PTPRT: variants seen among roughly 807,000 people sequenced by gnomAD.
PTPRT encodes protein tyrosine phosphatase receptor type T, also known as receptor-type tyrosine-protein phosphatase T.
Under a neutral mutation model 176.8 loss-of-function variants are expected in PTPRT, and 56 were observed. The ratio of observed to expected loss-of-function variants is 0.32; its 90% CI spans 0.26 to 0.40. The LOEUF (loss-of-function observed/expected upper bound fraction) is 0.40. Among genes scored for constraint, PTPRT ranks in the 10% least tolerant of loss-of-function variants. The pLI is 1.00. For missense variants in PTPRT, 1,540 were observed against 1,908.2 expected (o/e 0.81, Z 3.60); for synonymous variants, 783 against 739.0 (o/e 1.06, Z -0.96).
At chr20:42,772,099 T>C (rs1225358112) in intron 4 of PTPRT, among the ~76,000 whole-genome samples, 1 of 152,162 alleles carries the variant, frequency 6.6e-6, no homozygotes, top group African/African-American at 2.4e-5. Flanking sequence ...GCCTGATACC[T>C]GCACACTTGG....
intron 7 of PTPRT, among the ~76,000 whole-genome samples, chr20:42,564,860 A>G (rs1380246370): frequency 6.6e-6 from 1 of 152,228 alleles, no homozygotes; most frequent in Non-Finnish European, 1.5e-5. Flanking sequence ...GATTTAAAGT[A>G]TACAGGAGGA....
intron 21 of PTPRT, among the ~76,000 whole-genome samples, chr20:42,115,701 C>T (rs1987239423): frequency 6.6e-6 from 1 of 152,170 alleles, no homozygotes; most frequent in South Asian, 2.1e-4. Flanking sequence ...GCCATGTGGC[C>T]AGTTTGGGGA....
intron 1 of PTPRT, among the ~76,000 whole-genome samples, chr20:42,976,592 A>C (rs1982970524): frequency 6.6e-6 from 1 of 151,952 alleles, no homozygotes; most frequent in South Asian, 2.1e-4. Flanking sequence ...TTTTTAGCAG[A>C]GACAGGATTT....
In PTPRT at chr20:42,234,365, C is replaced by T. The variant is rs577236246; in HGVS notation, c.2342+1864G>A. ...TGCCCAAGGCTCTATAACCAGTGCA[C>T]GATAGAGGCGGGACATGAGCCCAGA... On this transcript the variant is annotated intron_variant, in intron 15 of 30. Coordinates refer to ENST00000373187, the MANE Select transcript of PTPRT (RefSeq NM_007050.6). Among the ~76,000 whole-genome samples the T allele has an allele frequency of 2.6e-5, 4 of 152,288 alleles. No homozygotes were observed. In the East Asian group the frequency reaches 5.8e-4, roughly 22 times the overall value.
intron 8 of PTPRT, among the ~76,000 whole-genome samples, chr20:42,465,474 T>C (rs941768450): frequency 6.6e-6 from 1 of 152,162 alleles, no homozygotes; most frequent in African/African-American, 2.4e-5. Context: ...TACCATAGTG[T>C]CATAAAAAAT....
intron 6 of PTPRT, among the ~76,000 whole-genome samples, chr20:42,711,387 A>G (rs1356785728): frequency 2.6e-5 from 4 of 152,070 alleles, no homozygotes; most frequent in Non-Finnish European, 4.4e-5. Flanking sequence ...CAGATCCCTC[A>G]TGAATGTCTT....
chr20:42,763,831 G>A (rs892391484), intron 5 of PTPRT, among the ~76,000 whole-genome samples: 10 of 152,128 alleles, frequency 6.6e-5, no homozygotes, highest in East Asian at 5.8e-4. Flanking sequence ...CTCTATGTAC[G>A]TGGCTGACTG....
chr20:42,389,603 A>G (rs2058779787), intron 9 of PTPRT, among the ~76,000 whole-genome samples: 1 of 152,100 alleles, frequency 6.6e-6, no homozygotes, highest in Admixed American at 6.5e-5. Flanking sequence ...TAATCCCAGA[A>G]CTTTGGGAGG....
At chr20:42,290,811 T>C (rs910673976) in intron 12 of PTPRT, among the ~76,000 whole-genome samples, 2 of 152,016 alleles carry the variant, frequency 1.3e-5, no homozygotes, top group Admixed American at 6.6e-5. Flanking sequence ...AATTTTAGGA[T>C]GCCTCTTCAA....
intron 6 of PTPRT, among the ~76,000 whole-genome samples, chr20:42,749,150 G>A (rs1433689058): frequency 6.6e-6 from 1 of 152,140 alleles, no homozygotes; most frequent in East Asian, 1.9e-4. Context: ...CCCACCTTAT[G>A]AGTGTGCACA....
chr20:42,174,188 T>C (rs966867473), intron 16 of PTPRT, among the ~76,000 whole-genome samples: 2 of 152,090 alleles, frequency 1.3e-5, no homozygotes, highest in Non-Finnish European at 2.9e-5. Flanking sequence ...TTAAGATAAA[T>C]AGCATATGCA....
chr20:42,421,278 G>A (rs958506490), intron 9 of PTPRT, among the ~76,000 whole-genome samples: 7 of 61,044 alleles, frequency 1.1e-4, no homozygotes, highest in East Asian at 7.6e-4. Context: ...ACACACACAC[G>A]CATGCACACA....
intron 14 of PTPRT, among the ~76,000 whole-genome samples, chr20:42,240,713 TCCATC>T (rs911533213): frequency 1.1e-3 from 106 of 95,296 alleles, no homozygotes; most frequent in African/African-American, 4.5e-3. Context: ...CATGCATCCA[TCCATC>T]CCATCCATCC....
chr20:42,517,587 A>G (rs528899486), intron 7 of PTPRT, among the ~76,000 whole-genome samples: 1 of 152,052 alleles, frequency 6.6e-6, no homozygotes, highest in South Asian at 2.1e-4. Flanking sequence ...TAGTCCATTA[A>G]TTTTCAACTT....
At chr20:42,216,100 C>A (rs929123836) in intron 15 of PTPRT, among the ~76,000 whole-genome samples, 2 of 150,704 alleles carry the variant, frequency 1.3e-5, no homozygotes, top group African/African-American at 2.5e-5. Context: ...GCTGAGTGAA[C>A]CTCCTTCTCC....
At chr20:42,244,658 G>A (rs561074977) in intron 14 of PTPRT, among the ~76,000 whole-genome samples, 2 of 152,254 alleles carry the variant, frequency 1.3e-5, no homozygotes, top group Admixed American at 6.5e-5. Context: ...GAGCTTTAAG[G>A]GACCATGTTC....
At chr20:42,108,643 G>C (rs1986719752) in intron 23 of PTPRT, among the ~76,000 whole-genome samples, 1 of 99,936 alleles carries the variant, frequency 1.0e-5, no homozygotes, top group Non-Finnish European at 2.0e-5. Context: ...TATTAGGAGT[G>C]GGAATATGAA....
intron 2 of PTPRT, among the ~76,000 whole-genome samples, chr20:42,847,792 C>T (rs1042100689): frequency 7.9e-5 from 12 of 152,126 alleles, no homozygotes; most frequent in African/African-American, 2.7e-4. Context: ...AATGACAGGG[C>T]AAGAGGCAGT....
chr20:42,980,073 G>A (rs987960230), intron 1 of PTPRT, among the ~76,000 whole-genome samples: 1 of 152,022 alleles, frequency 6.6e-6, no homozygotes, highest in East Asian at 1.9e-4. Context: ...ACTGCAAAAC[G>A]TGGTGTGGTT....
Sources: gnomAD v4.1 joint callset for allele counts (sites outside exome capture counted in the v4.1 genomes callset) on GRCh38, gnomAD v4.1.1 for gene constraint, MANE v1.5 for transcripts, NCBI Gene and HGNC (gene_info 2026-07-23, HGNC 2026-07-21) for gene names.